Variants in PPP3CA observed in about 807,000 individuals in gnomAD.
The protein encoded by PPP3CA is protein phosphatase 3 catalytic subunit alpha.
A neutral mutation model predicts 66.5 loss-of-function variants in PPP3CA; 14 were observed. The observed-to-expected ratio is 0.21, with a 90% CI of 0.14 to 0.33. PPP3CA has a LOEUF of 0.33. Among genes scored for constraint, PPP3CA ranks in the 10% least tolerant of loss-of-function variants. The pLI is 1.00. For missense variants in PPP3CA, 317 were observed against 639.5 expected, an observed-to-expected ratio of 0.50 and a Z score of 5.44; for synonymous variants, 232 against 226.2, an observed-to-expected ratio of 1.03 and a Z score of -0.23.
intron 1 of PPP3CA, among the ~76,000 whole-genome samples, chr4:101,303,391 A>AT (rs1363114369): frequency 2.0e-5 from 3 of 152,084 alleles, no homozygotes; most frequent in Non-Finnish European, 4.4e-5. Flanking sequence ...GCATTTTTGT[A>AT]TTTTTTTCAG....
intron 1 of PPP3CA, among the ~76,000 whole-genome samples, chr4:101,281,164 G>C (rs1727671564): frequency 6.6e-6 from 1 of 152,234 alleles, no homozygotes; most frequent in South Asian, 2.1e-4. Context: ...TTTGACAAAA[G>C]AAGGCTCTGA....
intron 2 of PPP3CA, among the ~76,000 whole-genome samples, chr4:101,126,185 T>C (rs556235677): frequency 6.6e-5 from 10 of 152,186 alleles, no homozygotes; most frequent in Non-Finnish European, 1.2e-4. Flanking sequence ...AGACTACTCT[T>C]CTCCTACTGT....
At chr4:101,229,792 G>A (rs1020500984) in intron 1 of PPP3CA, among the ~76,000 whole-genome samples, 6 of 151,556 alleles carry the variant, frequency 4.0e-5, no homozygotes, top group African/African-American at 1.5e-4. Flanking sequence ...AATGGGGAGA[G>A]GTAGAAAAGG....
At chr4:101,201,772 C>G (rs1724973680) in intron 1 of PPP3CA, among the ~76,000 whole-genome samples, 1 of 152,222 alleles carries the variant, frequency 6.6e-6, no homozygotes, top group Non-Finnish European at 1.5e-5. Context: ...CAGCTTAAAA[C>G]ACTTTCTGGC....
chr4:101,191,585 A>G (rs1435364591), intron 2 of PPP3CA, among the ~76,000 whole-genome samples: 1 of 152,156 alleles, frequency 6.6e-6, no homozygotes, highest in Non-Finnish European at 1.5e-5. Flanking sequence ...CCCAGACAAA[A>G]TATTTTATCT....
intron 1 of PPP3CA, among the ~76,000 whole-genome samples, chr4:101,334,724 G>T (rs140730650): frequency 3.9e-5 from 6 of 152,148 alleles, no homozygotes; most frequent in Non-Finnish European, 8.8e-5. Flanking sequence ...CACCCCAAAT[G>T]TGCCTACCTA....
chr4:101,134,454 G>A (rs1182196850), intron 2 of PPP3CA, among the ~76,000 whole-genome samples: 1 of 152,170 alleles, frequency 6.6e-6, no homozygotes, highest in Non-Finnish European at 1.5e-5. Context: ...TTCAAAAGAA[G>A]ACATTTATGT....
intron 1 of PPP3CA, among the ~76,000 whole-genome samples, chr4:101,214,623 C>T (rs907925134): frequency 6.6e-6 from 1 of 151,978 alleles, no homozygotes; most frequent in African/African-American, 2.4e-5. Context: ...ACTCAAAACT[C>T]AATAATGAAA....
chr4:101,127,654 C>T (rs972749384), intron 2 of PPP3CA, among the ~76,000 whole-genome samples: 8 of 151,370 alleles, frequency 5.3e-5, no homozygotes, highest in Non-Finnish European at 1.2e-4. Flanking sequence ...TTTTAAGTGA[C>T]TCGGTTGGTA....
At chr4:101,161,406 T>C (rs1279616948) in intron 2 of PPP3CA, among the ~76,000 whole-genome samples, 1 of 152,182 alleles carries the variant, frequency 6.6e-6, no homozygotes, top group East Asian at 1.9e-4. Flanking sequence ...TGCTGTAATA[T>C]GGTATAATAC....
chr4:101,147,829 A>G (rs975627794), intron 2 of PPP3CA, among the ~76,000 whole-genome samples: 5 of 152,128 alleles, frequency 3.3e-5, no homozygotes, highest in African/African-American at 9.7e-5. Context: ...AATATTTATC[A>G]AATTAGAAAC....
At position 101,336,945 on chromosome 4, in the gene PPP3CA, T is replaced by A. The variant is rs142997045; in HGVS notation, c.58+9794A>T. ...AGGCCTAAATTCAGGCATGAGCAAGTGTAAGAGATCAAAGGTCTCCCCTAC... is the reference window on the plus strand; with the variant it reads ...AGGCCTAAATTCAGGCATGAGCAAGAGTAAGAGATCAAAGGTCTCCCCTAC... On this transcript the variant is annotated intron_variant, in intron 1 of 13. Coordinates refer to ENST00000394854, the MANE Select transcript of PPP3CA (RefSeq NM_000944.5). Among the ~76,000 whole-genome samples, 17 of 152,280 alleles carry A rather than the reference T, an allele frequency of 1.1e-4. No homozygotes were observed. In the East Asian group the frequency reaches 3.3e-3, roughly 29 times the overall value.
At chr4:101,179,914 A>G (rs1724182409) in intron 2 of PPP3CA, among the ~76,000 whole-genome samples, 1 of 152,150 alleles carries the variant, frequency 6.6e-6, no homozygotes, top group Middle Eastern at 3.2e-3. Flanking sequence ...ACATTCAAAT[A>G]CAAACATACT....
At chr4:101,116,522 A>G (rs184469287) in intron 2 of PPP3CA, among the ~76,000 whole-genome samples, 1 of 152,016 alleles carries the variant, frequency 6.6e-6, no homozygotes, top group African/African-American at 2.4e-5. Context: ...CTACAAGTAT[A>G]TATCTGCTTC....
chr4:101,306,823 AT>A (rs548946985), intron 1 of PPP3CA, among the ~76,000 whole-genome samples: 2 of 151,456 alleles, frequency 1.3e-5, no homozygotes, highest in African/African-American at 2.4e-5. Context: ...GTATACTCTG[AT>A]TTTTTTTTGT....
At chr4:101,304,442 TG>T (rs796803007) in intron 1 of PPP3CA, among the ~76,000 whole-genome samples, 7 of 152,308 alleles carry the variant, frequency 4.6e-5, no homozygotes, top group African/African-American at 1.7e-4. Flanking sequence ...GACCTACAGT[TG>T]GTAGATTTTA....
In PPP3CA at chr4:101,040,560, G is replaced by T. The variant is rs569765595; in HGVS notation, c.1163C>A (p.Thr388Lys). The T allele has an allele frequency of 6.2e-7, 1 of 1,610,800 alleles. No homozygotes were observed. Among genetic ancestry groups the T allele is most frequent in the Admixed American group, 1.7e-5 (1 of 59,104 alleles). ...TATCACCTCTTTCCGGGCTGCAGCT[G>T]TTGCACCTGTATTTTCAAACAGAGT... Reference protein sequence around the residue: ...GSEEDGFDGATAAARKEVIRN... With the variant: ...GSEEDGFDGAKAAARKEVIRN... The change falls in exon 11 of 14, where the codon ACA (threonine) becomes AAA (lysine). Residue 388 changes from threonine to lysine, a missense_variant. Thr to Lys is a moderately conservative substitution (Grantham distance 78). Transcript: ENST00000394854.
intron 1 of PPP3CA, among the ~76,000 whole-genome samples, chr4:101,234,707 C>A (rs1726072704): frequency 6.6e-6 from 1 of 151,676 alleles, no homozygotes. Flanking sequence ...AAAAGAGACT[C>A]CAACCATTTT....
chr4:101,249,698 T>C (rs949502767), intron 1 of PPP3CA, among the ~76,000 whole-genome samples: 4 of 152,188 alleles, frequency 2.6e-5, no homozygotes, highest in African/African-American at 9.6e-5. Context: ...ACTTTTAAAA[T>C]ATTTACATTG....
Sources: allele counts gnomAD v4.1 joint callset (sites outside exome capture counted in the v4.1 genomes callset), GRCh38; gene constraint gnomAD v4.1.1; transcripts MANE v1.5; gene names NCBI Gene and HGNC (gene_info 2026-07-23, HGNC 2026-07-21).